The following BEND7 variants were observed in gnomAD, a reference collection of about 807,000 sequenced individuals.
BEND7 encodes BEN domain containing 7.
Under a neutral mutation model 50.9 loss-of-function variants are expected in BEND7, and 28 were observed. The observed-to-expected ratio is 0.55, with a 90% CI of 0.41 to 0.75. The LOEUF (loss-of-function observed/expected upper bound fraction) is 0.75, where lower values mean the gene tolerates loss of function less well. Among genes scored for constraint, BEND7 ranks in the 30% least tolerant of loss-of-function variants. The pLI is 0.00. For synonymous variants in BEND7, 170 were observed against 183.9 expected, an observed-to-expected ratio of 0.92 and a Z score of 0.61; for missense variants, 477 against 491.3, an observed-to-expected ratio of 0.97 and a Z score of 0.28.
Position 13,484,278 on chromosome 10 carries a change from C to T in BEND7, c.838-3154G>A, listed in dbSNP as rs535460784. Among the ~76,000 whole-genome samples the T allele has an allele frequency of 3.9e-5, 6 of 152,284 alleles. No individual in the cohort carries two copies. In the South Asian group the frequency reaches 6.2e-4, roughly 16 times the overall value. On this transcript the variant is annotated intron_variant, in intron 5 of 8. Transcript: ENST00000466271. Reference sequence around the variant, plus strand: ...TGTGCCAGGTGCCGCAAGGCAACAACGCCTTAAAAGAACAAAAGAGGGCAG... The same window carrying T: ...TGTGCCAGGTGCCGCAAGGCAACAATGCCTTAAAAGAACAAAAGAGGGCAG...
chr10:13,500,153 A>G, intron 2 of BEND7, 73 bp from the exon 3 acceptor site: 1 of 1,255,168 alleles, frequency 8.0e-7, no homozygotes, highest in Non-Finnish European at 1.1e-6. Context: ...CAAAAAGAAG[A>G]GAAAGAAAAA....
intron 6 of BEND7, among the ~76,000 whole-genome samples, chr10:13,466,700 G>C (rs1426973792): frequency 6.6e-6 from 1 of 152,164 alleles, no homozygotes; most frequent in African/African-American, 2.4e-5. Context: ...CACCAGCTCA[G>C]AGGCCTTAGG....
chr10:13,525,844 A>G (rs1166798173), intron 2 of BEND7, among the ~76,000 whole-genome samples: 3 of 152,214 alleles, frequency 2.0e-5, no homozygotes, highest in African/African-American at 7.2e-5. Context: ...CGAATATGCA[A>G]TGTAAATGGG....
intron 8 of BEND7, 30 bp downstream of exon 8, chr10:13,447,236 G>A (rs1396546300): frequency 6.2e-7 from 1 of 1,610,332 alleles, no homozygotes. Flanking sequence ...TTTCCAGGAG[G>A]TGATGAAAAT....
In BEND7 at chr10:13,441,386, A is replaced by G. The variant is rs2130794551; in HGVS notation, c.*357T>C. 9.1e-7 allele frequency: 1 copy of G among 1,093,372 alleles called. No individual in the cohort carries two copies. The highest frequency in any genetic ancestry group is 4.4e-5 in the South Asian group (1 of 22,796). The allele number at this position is 1,093,372 out of a possible 1,614,324, so 67.7% of individuals were successfully genotyped here. ...TAAGTAAACACAATTTTAATTTACA[A>G]AATATGATTTTGCTGTTGCAGTTTT... On this transcript the variant is annotated 3_prime_UTR_variant, in exon 9 of 9. Coordinates refer to ENST00000466271, the MANE Select transcript of BEND7 (RefSeq NM_001369863.1).
In BEND7 at chr10:13,523,992, G is replaced by A. The variant is rs555328229; in HGVS notation, c.145+2146C>T. ...CTTCTGGAGCAACCACTTTGAAAGC[G>A]TATCTATCTCAAGCCTGGTCCTTCA... On this transcript the variant is annotated intron_variant, in intron 2 of 8. Transcript: ENST00000466271. 1.1e-3 allele frequency among the ~76,000 whole-genome samples: 166 copies of A among 152,316 alleles called. 1 individual carries two copies. Among genetic ancestry groups the A allele is most frequent in the South Asian group, 9.3e-3 (45 of 4,824 alleles).
chr10:13,439,248 T>C (rs139667879), downstream of BEND7: 79 of 1,614,200 alleles, frequency 4.9e-5, no homozygotes, highest in African/African-American at 1.0e-3. Flanking sequence ...AATCCCTCTC[T>C]GATGATGAAG....
intron 6 of BEND7, among the ~76,000 whole-genome samples, chr10:13,478,135 T>C (rs564581211): frequency 7.6e-4 from 115 of 152,220 alleles, no homozygotes; most frequent in African/African-American, 2.7e-3. Context: ...GAATGATGAA[T>C]GGGCCCTCAG....
chr10:13,467,383 C>G (rs1265383930), intron 6 of BEND7, among the ~76,000 whole-genome samples: 2 of 152,098 alleles, frequency 1.3e-5, no homozygotes, highest in African/African-American at 2.4e-5. Context: ...TTATTTAAAC[C>G]AAAATCCCAC....
intron 6 of BEND7, among the ~76,000 whole-genome samples, chr10:13,472,243 G>C (rs1297473193): frequency 6.6e-6 from 1 of 151,902 alleles, no homozygotes; most frequent in Non-Finnish European, 1.5e-5. Context: ...TATTAGAGTA[G>C]GGGCTGATAT....
At chr10:13,520,910 T>C (rs929409828) in intron 2 of BEND7, among the ~76,000 whole-genome samples, 3 of 152,196 alleles carry the variant, frequency 2.0e-5, no homozygotes, top group African/African-American at 4.8e-5. Flanking sequence ...TGCACATAAA[T>C]TGAAAGAAGC....
Position 13,492,608 on chromosome 10 carries a change from T to C in BEND7, c.837+3A>G. The stretch of plus-strand genomic sequence containing the variant: ...AGTCAGCAGCCAGAAAATGGCAACT[T>C]ACATCTGAGGAAGGTGATTCCAGAA... On this transcript the variant is annotated splice_donor_region_variant and intron_variant, in intron 5 of 8. Transcript: ENST00000466271. 2 of 1,613,504 alleles carry C rather than the reference T, an allele frequency of 1.2e-6. No individual in the cohort carries two copies. Among genetic ancestry groups the C allele is most frequent in the South Asian group, 1.1e-5 (1 of 90,860 alleles).
intron 4 of BEND7, among the ~76,000 whole-genome samples, chr10:13,495,814 G>GA (rs2076982636): frequency 6.6e-6 from 1 of 152,172 alleles, no homozygotes; most frequent in South Asian, 2.1e-4. Context: ...ATGGCATCCT[G>GA]AACAGCTTCT....
intron 2 of BEND7, chr10:13,500,704 C>G: frequency 2.0e-6 from 2 of 985,612 alleles, no homozygotes; most frequent in East Asian, 1.1e-4. Context: ...GCCGAGGAGA[C>G]AGAGAGGCGC....
At chr10:13,465,190 G>A (rs1403809904) in intron 6 of BEND7, among the ~76,000 whole-genome samples, 1 of 152,204 alleles carries the variant, frequency 6.6e-6, no homozygotes, top group Admixed American at 6.5e-5. Flanking sequence ...TGAAGGAACT[G>A]TAAGAAGCAC....
intron 6 of BEND7, 137 bp from the exon 7 acceptor site, chr10:13,452,795 G>T: frequency 2.7e-6 from 2 of 750,590 alleles, no homozygotes; most frequent in Non-Finnish European, 4.0e-6. Flanking sequence ...TTCGGTATCT[G>T]TATTATATTT....
intron 2 of BEND7, 51 bp from the exon 3 acceptor site, chr10:13,500,131 C>T (rs182093401): frequency 2.6e-5 from 35 of 1,371,478 alleles, no homozygotes; most frequent in Middle Eastern, 3.8e-4. Flanking sequence ...AAAGAGAAAA[C>T]AGTTCACTAA....
intron 2 of BEND7, among the ~76,000 whole-genome samples, chr10:13,509,769 T>C (rs1435506806): frequency 4.6e-5 from 7 of 152,104 alleles, no homozygotes; most frequent in African/African-American, 1.7e-4. Flanking sequence ...TCAGCGAACT[T>C]AGCTGGAGTT....
At chr10:13,504,607 T>C (rs949149858) in intron 2 of BEND7, among the ~76,000 whole-genome samples, 1 of 152,228 alleles carries the variant, frequency 6.6e-6, no homozygotes, top group Non-Finnish European at 1.5e-5. Flanking sequence ...TCTCCAGGTA[T>C]AGATACCAGG....
Sources: allele counts gnomAD v4.1 joint callset (sites outside exome capture counted in the v4.1 genomes callset), GRCh38; gene constraint gnomAD v4.1.1; transcripts MANE v1.5; gene names NCBI Gene and HGNC (gene_info 2026-07-23, HGNC 2026-07-21).